Variants in RALGAPA2 observed in about 807,000 individuals in gnomAD.
RALGAPA2 encodes Ral GTPase activating protein catalytic subunit alpha 2, also known as ral GTPase-activating protein subunit alpha-2.
In RALGAPA2, 139 loss-of-function variants were observed where a neutral mutation model predicts 230.4. The observed-to-expected ratio is 0.60, with a 90% confidence interval of 0.53 to 0.69. The LOEUF (loss-of-function observed/expected upper bound fraction) is 0.69. RALGAPA2 is among the 30% of genes least tolerant of loss of function. The probability of loss-of-function intolerance (pLI) is 0.00; values close to 1 mark genes in which losing one functional copy is unlikely to be tolerated. For synonymous variants in RALGAPA2, 847 were observed against 837.8 expected (o/e 1.01, Z -0.19); for missense variants, 2,163 against 2,276.0 (o/e 0.95, Z 1.01).
intron 37 of RALGAPA2, among the ~76,000 whole-genome samples, chr20:20,466,738 C>T (rs1487386979): frequency 1.3e-5 from 2 of 152,172 alleles, no homozygotes; most frequent in Non-Finnish European, 2.9e-5. Context: ...ACTCTCATCT[C>T]TCATCTCCAA....
chr20:20,616,109 G>T lies in RALGAPA2; in HGVS notation c.1622C>A (p.Ala541Asp). 6.4e-7 allele frequency: 1 copy of T among 1,556,408 alleles called. No homozygotes were observed. Among genetic ancestry groups the T allele is most frequent in the East Asian group, 2.4e-5 (1 of 42,342 alleles). ...AAAAATAATCAAAACAGCTTTACAAGCATCAACTTGTTCTTTCAAGAGCAC... is the reference window on the plus strand; with the variant it reads ...AAAAATAATCAAAACAGCTTTACAATCATCAACTTGTTCTTTCAAGAGCAC... ...VPVLLKEQVD[A>D]CKAVLIIFRR... The change falls in exon 13 of 40, where the codon GCT (alanine) becomes GAT (aspartate). Residue 541 changes from alanine to aspartate, a missense_variant. Physicochemically the swap from Ala to Asp is moderately radical, Grantham distance 126. Coordinates refer to ENST00000202677, the MANE Select transcript of RALGAPA2 (RefSeq NM_020343.4).
intron 35 of RALGAPA2, 62 bp from the exon 36 acceptor site, chr20:20,495,337 G>A: frequency 4.5e-6 from 6 of 1,325,646 alleles, no homozygotes; most frequent in Non-Finnish European, 5.9e-6. Context: ...GAGGGGTCAT[G>A]GCTTACAAAT....
In RALGAPA2 at chr20:20,611,398, T is replaced by C. The variant is rs201646881; in HGVS notation, c.1717A>G (p.Ile573Val). The C allele has an allele frequency of 4.3e-6, 7 of 1,613,432 alleles. No individual in the cohort carries two copies. The highest frequency in any genetic ancestry group is 3.3e-5 in the Admixed American group (2 of 60,010). Residue 573 changes from isoleucine to valine, a missense_variant, in exon 14 of 40, where the codon ATA becomes GTA. Physicochemically the swap from Ile to Val is conservative, Grantham distance 29. Coordinates refer to ENST00000202677, the MANE Select transcript of RALGAPA2 (RefSeq NM_020343.4). ...WEQMLQILLR[I>V]TEAVMQKPKD... The stretch of plus-strand genomic sequence containing the variant: ...GGCTTCTGCATGACAGCTTCTGTTA[T>C]CCTGAGTAGTATTTGCAACATCTGT...
chr20:20,617,177 G>A lies in RALGAPA2; in HGVS notation c.1540-986C>T, dbSNP rs989414297. Among the ~76,000 whole-genome samples the A allele has an allele frequency of 5.3e-5, 8 of 152,082 alleles. No homozygotes were observed. In the East Asian group the frequency reaches 7.7e-4, roughly 15 times the overall value. ...CAATAACACAAACTCAAAGCATGAC[G>A]GAGCTTCTCTAGCTCATTTATAAGT... is the stretch of plus-strand genomic sequence containing the variant. On this transcript the variant is annotated intron_variant, in intron 12 of 39. Transcript: ENST00000202677.
intron 15 of RALGAPA2, among the ~76,000 whole-genome samples, chr20:20,604,646 C>A (rs888637075): frequency 6.6e-6 from 1 of 152,068 alleles, no homozygotes; most frequent in Non-Finnish European, 1.5e-5. Context: ...AACACAAATT[C>A]GTAAACTTTC....
chr20:20,544,465 T>G (rs1283676015), intron 24 of RALGAPA2, among the ~76,000 whole-genome samples: 5 of 152,226 alleles, frequency 3.3e-5, no homozygotes, highest in African/African-American at 1.2e-4. Context: ...TGGCGATTCC[T>G]CAAGGATCTA....
At chr20:20,537,281 T>C (rs1290775626) in intron 24 of RALGAPA2, among the ~76,000 whole-genome samples, 1 of 152,184 alleles carries the variant, frequency 6.6e-6, no homozygotes, top group African/African-American at 2.4e-5. Context: ...TCACTATATC[T>C]AGTGAGATAC....
At position 20,561,804 on chromosome 20, in the gene RALGAPA2, T is replaced by G. The variant is rs2064264566; in HGVS notation, c.3156+9654A>C. 2.0e-5 allele frequency among the ~76,000 whole-genome samples: 3 copies of G among 152,196 alleles called. No homozygotes were observed. The South Asian group carries it at 6.2e-4, about 32-fold the overall frequency. On this transcript the variant is annotated intron_variant, in intron 23 of 39. Transcript: ENST00000202677. ...CAATGTCATCTGCAGAAGTACTCCT[T>G]TAGGGCAAGGTTTCTCAACCTCAGC...
chr20:20,508,875 G>A (rs1266580952), intron 33 of RALGAPA2, among the ~76,000 whole-genome samples: 1 of 152,216 alleles, frequency 6.6e-6, no homozygotes. Context: ...GGGGTTTTAA[G>A]TGAAGGTTGA....
At chr20:20,429,091 C>G (rs2060449934) in intron 37 of RALGAPA2, among the ~76,000 whole-genome samples, 3 of 152,082 alleles carry the variant, frequency 2.0e-5, no homozygotes, top group African/African-American at 7.2e-5. Context: ...ACTCATGAAG[C>G]TCTTTGTAGC....
chr20:20,542,330 C>A (rs2063667398), intron 24 of RALGAPA2, among the ~76,000 whole-genome samples: 1 of 152,210 alleles, frequency 6.6e-6, no homozygotes, highest in Non-Finnish European at 1.5e-5. Flanking sequence ...AATGGCCATA[C>A]TGCCCAAAGT....
At chr20:20,689,681 C>T (rs1289255993) in intron 1 of RALGAPA2, among the ~76,000 whole-genome samples, 2 of 152,136 alleles carry the variant, frequency 1.3e-5, no homozygotes, top group African/African-American at 4.8e-5. Flanking sequence ...TCCTCAGGCC[C>T]GCAATTTCCT....
intron 23 of RALGAPA2, among the ~76,000 whole-genome samples, chr20:20,554,450 G>A (rs2064021357): frequency 6.6e-6 from 1 of 152,072 alleles, no homozygotes; most frequent in Admixed American, 6.6e-5. Flanking sequence ...ACCTTTTGGT[G>A]ACTGGTTTTG....
intron 37 of RALGAPA2, among the ~76,000 whole-genome samples, chr20:20,439,657 G>T (rs965999327): frequency 6.6e-6 from 1 of 152,156 alleles, no homozygotes; most frequent in South Asian, 2.1e-4. Context: ...GTGAAAAGCC[G>T]CAGGCAACAG....
chr20:20,555,769 T>A (rs1297842286), intron 23 of RALGAPA2, among the ~76,000 whole-genome samples: 1 of 152,250 alleles, frequency 6.6e-6, no homozygotes, highest in Non-Finnish European at 1.5e-5. Context: ...CAATCTTACA[T>A]AATTTATTAG....
intron 13 of RALGAPA2, among the ~76,000 whole-genome samples, chr20:20,611,962 A>G (rs1349164723): frequency 6.6e-6 from 1 of 152,188 alleles, no homozygotes; most frequent in African/African-American, 2.4e-5. Context: ...ACTTACAGGC[A>G]CAGTGCTCAT....
At chr20:20,553,923 AATTTT>A (rs879706944) in intron 23 of RALGAPA2, among the ~76,000 whole-genome samples, 21 of 152,190 alleles carry the variant, frequency 1.4e-4, no homozygotes, top group Non-Finnish European at 3.1e-4. Flanking sequence ...AATGTACATG[AATTTT>A]ATTTTATAAT....
intron 1 of RALGAPA2, among the ~76,000 whole-genome samples, chr20:20,701,515 G>T (rs2069361302): frequency 6.6e-6 from 1 of 152,110 alleles, no homozygotes; most frequent in South Asian, 2.1e-4. Context: ...AAGGCGGGCA[G>T]ATCACGAGGT....
In RALGAPA2 at chr20:20,601,815, G is replaced by T; in HGVS notation, c.2070C>A (p.Thr690=). 6.2e-7 allele frequency: 1 copy of T among 1,610,474 alleles called. No homozygotes were observed. The highest frequency in any genetic ancestry group is 8.5e-7 in the Non-Finnish European group (1 of 1,178,688). ...GCVLDPQKGT[T]VGRSFSLSWR... ...AGCTGAGAGAAAAGGACCTCCCCAC[G>T]GTGGTTCCTTTCTGAGGATCTAGAA... The change falls in exon 16 of 40, where the codon ACC becomes ACA. Residue 690 remains threonine (T), a synonymous_variant. Transcript: ENST00000202677.
Sources: gnomAD v4.1 joint callset for allele counts (sites outside exome capture counted in the v4.1 genomes callset) on GRCh38, gnomAD v4.1.1 for gene constraint, MANE v1.5 for transcripts, NCBI Gene and HGNC (gene_info 2026-07-23, HGNC 2026-07-21) for gene names.